TMEM51: variants seen among roughly 807,000 people sequenced by gnomAD.
The protein encoded by TMEM51 is chromosome 1 open reading frame 72.
A neutral mutation model predicts 13.6 loss-of-function variants in TMEM51; 8 were observed. The observed-to-expected ratio is 0.59, with a 90% confidence interval of 0.35 to 1.07. The LOEUF is 1.07. Ranked by LOEUF, TMEM51 falls within the 50% of genes least tolerant of loss-of-function variation. The probability of loss-of-function intolerance (pLI) is 0.02; values close to 1 mark genes in which losing one functional copy is unlikely to be tolerated. For missense variants in TMEM51, 279 were observed against 330.7 expected (o/e 0.84, Z 1.21); for synonymous variants, 147 against 144.4 (o/e 1.02, Z -0.13).
At chr1:15,174,753 G>A (rs1009093108) in intron 1 of TMEM51, among the ~76,000 whole-genome samples, 13 of 152,100 alleles carry the variant, frequency 8.5e-5, no homozygotes, top group East Asian at 3.8e-4. Context: ...AATTTCTGGC[G>A]AGGGCTCTCT....
chr1:15,170,027 G>A (rs1643184837), intron 1 of TMEM51, among the ~76,000 whole-genome samples: 1 of 152,138 alleles, frequency 6.6e-6, no homozygotes, highest in Non-Finnish European at 1.5e-5. Context: ...AATGATCTGG[G>A]TGACCTTGAG....
Position 15,219,560 on chromosome 1 carries a change from G to A in TMEM51, c.579G>A (p.Lys193=). 2 of 1,614,106 alleles carry A rather than the reference G, an allele frequency of 1.2e-6. No homozygotes were observed. Among genetic ancestry groups the A allele is most frequent in the Non-Finnish European group, 1.7e-6 (2 of 1,180,034 alleles). The change falls in exon 4 of 4, where the codon AAG becomes AAA. Residue 193 remains lysine, a synonymous_variant. Coordinates refer to ENST00000376008, the MANE Select transcript of TMEM51 (RefSeq NM_001136218.2). The part of the protein sequence containing the change: ...PGNPPDRQNS[K]LAKRLKPLKV... ...ACCCCCCTGACAGGCAGAACTCTAA[G>A]TTGGCCAAACGACTGAAACCGCTGA...
intron 1 of TMEM51, among the ~76,000 whole-genome samples, chr1:15,203,483 G>A (rs1454664266): frequency 6.6e-6 from 1 of 151,200 alleles, no homozygotes; most frequent in Non-Finnish European, 1.5e-5. Flanking sequence ...GGCTGGTCTC[G>A]AACTCCTGAC....
At chr1:15,184,809 T>C (rs187845950) in intron 1 of TMEM51, among the ~76,000 whole-genome samples, 1 of 151,212 alleles carries the variant, frequency 6.6e-6, no homozygotes, top group Admixed American at 6.6e-5. Flanking sequence ...GCAGGGGTGA[T>C]CTTGCCCTCG....
At chr1:15,159,558 TG>T (rs1438402349) in intron 1 of TMEM51, among the ~76,000 whole-genome samples, 10 of 152,228 alleles carry the variant, frequency 6.6e-5, no homozygotes, top group African/African-American at 1.7e-4. Flanking sequence ...TTTCTTTTTT[TG>T]TTTTGTTTTG....
chr1:15,219,096 A>G (rs1644472401), intron 3 of TMEM51, among the ~76,000 whole-genome samples: 1 of 152,224 alleles, frequency 6.6e-6, no homozygotes, highest in Admixed American at 6.5e-5. Context: ...CATGACTAGT[A>G]CTTAACTCAT....
intron 3 of TMEM51, among the ~76,000 whole-genome samples, chr1:15,216,500 G>A (rs1367181130): frequency 6.6e-6 from 1 of 152,110 alleles, no homozygotes; most frequent in Non-Finnish European, 1.5e-5. Context: ...AGCCCCTACT[G>A]TTGGAGAGTT....
At chr1:15,171,325 A>G (rs963161855) in intron 1 of TMEM51, 2 of 1,303,214 alleles carry the variant, frequency 1.5e-6, no homozygotes, top group African/African-American at 3.0e-5. Flanking sequence ...CCTATGAGAT[A>G]AGGGGTTTGT....
intron 1 of TMEM51, among the ~76,000 whole-genome samples, chr1:15,159,490 A>G (rs1339409509): frequency 6.6e-6 from 1 of 152,230 alleles, no homozygotes; most frequent in Non-Finnish European, 1.5e-5. Flanking sequence ...TGCACAAAGC[A>G]TTAATTTTTT....
intron 1 of TMEM51, among the ~76,000 whole-genome samples, chr1:15,175,067 C>T (rs1643412992): frequency 6.6e-6 from 1 of 152,166 alleles, no homozygotes; most frequent in African/African-American, 2.4e-5. Flanking sequence ...AAATCAAACT[C>T]ATCACAAGTT....
chr1:15,155,651 G>A (rs1174232066), intron 1 of TMEM51, among the ~76,000 whole-genome samples: 1 of 152,186 alleles, frequency 6.6e-6, no homozygotes, highest in Admixed American at 6.5e-5. Context: ...CACAGCGACA[G>A]GAGAGTGCCT....
chr1:15,202,105 C>A (rs1454365022), intron 1 of TMEM51, among the ~76,000 whole-genome samples: 1 of 152,150 alleles, frequency 6.6e-6, no homozygotes, highest in Non-Finnish European at 1.5e-5. Flanking sequence ...TTTGTTGGTC[C>A]CAGCAATGTT....
At chr1:15,164,436 G>A (rs758829700) in intron 1 of TMEM51, 1 of 456,054 alleles carries the variant, frequency 2.2e-6, no homozygotes, top group South Asian at 1.5e-5. Context: ...TGACTGGACT[G>A]GGCCTTTGGG....
intron 1 of TMEM51, among the ~76,000 whole-genome samples, chr1:15,166,955 T>G (rs375966916): frequency 6.6e-6 from 1 of 152,106 alleles, no homozygotes; most frequent in Admixed American, 6.5e-5. Context: ...CCTTATAGTT[T>G]TGCCCTTTCC....
At chr1:15,174,124 G>A (rs1355629480) in intron 1 of TMEM51, among the ~76,000 whole-genome samples, 1 of 152,224 alleles carries the variant, frequency 6.6e-6, no homozygotes, top group Non-Finnish European at 1.5e-5. Context: ...CGGGAACTTC[G>A]AGAGCAGCTG....
rs1642838639 is a variant in TMEM51, at chr1:15,162,950, G to A, written c.-267+8996G>A. Among the ~76,000 whole-genome samples, 3 of 151,856 alleles carry A rather than the reference G, an allele frequency of 2.0e-5. No individual in the cohort carries two copies. In the South Asian group the frequency reaches 6.2e-4, roughly 31 times the overall value. On this transcript the variant is annotated intron_variant, in intron 1 of 3. Transcript: ENST00000376008. ...AATGCATGATGGTGATGGTTGCACA[G>A]CAGTATGAATGTACTTAATGCCACT...
At position 15,153,915 on chromosome 1, in the gene TMEM51, ACCGCCCAGCCGAG is replaced by A. The variant is rs1642488874; in HGVS notation, c.-305_-293del. ...GGGGTCGCGAAGCCCGCAGTCCCGG[ACCGCCCAGCCGAG>A]ACGGAGCCGGACCCGCCGCCTCCCG... On this transcript the variant is annotated 5_prime_UTR_variant, in exon 1 of 4. Transcript: ENST00000376008. 1 of 151,480 alleles carries A rather than the reference ACCGCCCAGCCGAG, an allele frequency of 6.6e-6. No individual in the cohort carries two copies. Among genetic ancestry groups the A allele is most frequent in the Non-Finnish European group, 1.5e-5 (1 of 67,902 alleles). 9.4% of individuals were successfully genotyped at this position (151,480 alleles called of 1,614,324 possible). A position where few individuals can be genotyped will look rare whatever the true frequency, so the allele number is the denominator to read the frequency against.
intron 1 of TMEM51, among the ~76,000 whole-genome samples, chr1:15,167,822 T>C (rs899665445): frequency 6.6e-5 from 10 of 152,210 alleles, no homozygotes; most frequent in African/African-American, 1.9e-4. Context: ...CACCTCCCCA[T>C]TGATGACTCT....
chr1:15,203,443 A>T lies in TMEM51; in HGVS notation c.-266-7047A>T, dbSNP rs4661600. On this transcript the variant is annotated intron_variant, in intron 1 of 3. Coordinates refer to ENST00000376008, the MANE Select transcript of TMEM51 (RefSeq NM_001136218.2). ...CTAATTTTTGTATTTTTTTTTTTTC[A>T]GTAGAGACAGAGTTTCACCATGTTG... 1.0e-4 allele frequency among the ~76,000 whole-genome samples: 15 copies of T among 147,916 alleles called. 1 individual carries two copies.
Sources: allele counts gnomAD v4.1 joint callset (sites outside exome capture counted in the v4.1 genomes callset), GRCh38; gene constraint gnomAD v4.1.1; transcripts MANE v1.5; gene names NCBI Gene and HGNC (gene_info 2026-07-23, HGNC 2026-07-21).